The following ATP8B3 variants were observed in gnomAD, a reference collection of about 807,000 sequenced individuals.
ATP8B3 encodes the protein phospholipid-transporting ATPase IK.
In ATP8B3, 141 loss-of-function variants were observed where a neutral mutation model predicts 140.9. That is an observed-to-expected ratio of 1.00 (90% CI 0.87 to 1.15). ATP8B3 has a LOEUF of 1.15. Among genes scored for constraint, ATP8B3 ranks in the 50% most tolerant of loss-of-function variants. ATP8B3 has a pLI of 0.00. For missense variants in ATP8B3, 1,874 were observed against 1,740.6 expected, an observed-to-expected ratio of 1.08 and a Z score of -1.36; for synonymous variants, 765 against 714.6, an observed-to-expected ratio of 1.07 and a Z score of -1.13.
At chr19:1,802,086 T>G in intron 11 of ATP8B3, 42 bp from the exon 12 acceptor site, 2 of 865,670 alleles carry the variant, frequency 2.3e-6, no homozygotes, top group Non-Finnish European at 2.8e-6. Flanking sequence ...CACCCACCCA[T>G]CCACCCCTCA....
Position 1,782,138 on chromosome 19 carries a change from T to C in ATP8B3, c.*890A>G. On this transcript the variant is annotated 3_prime_UTR_variant, in exon 29 of 29. Transcript: ENST00000310127. ...AAGAAAAGCATGTGGAGTCCTTGTC[T>C]TTAGAGGAAGGCCCCCTGCATGCTG... is the stretch of plus-strand genomic sequence containing the variant. 1 of 198,854 alleles carries C rather than the reference T, an allele frequency of 5.0e-6. No homozygotes were observed. Among genetic ancestry groups the C allele is most frequent in the Non-Finnish European group, 1.0e-5 (1 of 97,970 alleles). The allele number at this position is 198,854 out of a possible 1,614,324, so 12.3% of individuals were successfully genotyped here.
chr19:1,789,636 C>G lies in ATP8B3; in HGVS notation c.2570G>C (p.Arg857Thr), dbSNP rs2068426586. 6.3e-7 allele frequency: 1 copy of G among 1,596,246 alleles called. No homozygotes were observed. Among genetic ancestry groups the G allele is most frequent in the East Asian group, 2.3e-5 (1 of 44,280 alleles). The change falls in exon 23 of 29, where the codon AGG becomes ACG. Residue 857 changes from arginine (R) to threonine (T), a missense_variant. By Grantham distance (71) the Arg-to-Thr change is moderately conservative. Coordinates refer to ENST00000310127, the MANE Select transcript of ATP8B3 (RefSeq NM_138813.4). ...DEAWQELGQS[R>T]RDFLYARRLS... ...GCGCCTGGCGTAGAGGAAATCCCTCCTGGACTGGCCGAGCTCCTGCCACGC... is the reference window on the plus strand; with the variant it reads ...GCGCCTGGCGTAGAGGAAATCCCTCGTGGACTGGCCGAGCTCCTGCCACGC...
At chr19:1,812,007 T>C (rs928470846) in intron 1 of ATP8B3, 123 bp from the exon 2 acceptor site, 1 of 481,364 alleles carries the variant, frequency 2.1e-6, no homozygotes, top group Non-Finnish European at 3.7e-6. Flanking sequence ...AGGACCGCCC[T>C]GGACAGGGCT....
Position 1,796,846 on chromosome 19 carries a change from C to G in ATP8B3, c.1618G>C (p.Gly540Arg). Residue 540 changes from glycine to arginine, a missense_variant, in exon 16 of 29, where the codon GGG becomes CGG. Gly to Arg is a moderately radical substitution (Grantham distance 125). Coordinates refer to ENST00000310127, the MANE Select transcript of ATP8B3 (RefSeq NM_138813.4). ...GCCGCATTGTGGAAGAGCAGCTTCC[C>G]GTCGGCGAACTTGTTCCAGAGGTAG... Reference protein sequence around the residue: ...NPYLWNKFADGKLLFHNAALL... With the variant: ...NPYLWNKFADRKLLFHNAALL... 1 of 1,612,310 alleles carries G rather than the reference C, an allele frequency of 6.2e-7. No individual in the cohort carries two copies. The highest frequency in any genetic ancestry group is 1.1e-5 in the South Asian group (1 of 91,056).
chr19:1,793,452 C>A (rs2068576728), intron 18 of ATP8B3, among the ~76,000 whole-genome samples: 1 of 152,194 alleles, frequency 6.6e-6, no homozygotes. Flanking sequence ...GTCCACCCAC[C>A]CGGTGCCTTC....
Position 1,806,829 on chromosome 19 carries a change from T to C in ATP8B3, c.616-140A>G. Reference sequence around the variant, plus strand: ...TGGCCCCACGCCACGTTGCGTCTGCTCAGGGATCCCGGACGTGGGGGCCAC... The same window carrying C: ...TGGCCCCACGCCACGTTGCGTCTGCCCAGGGATCCCGGACGTGGGGGCCAC... On this transcript the variant is annotated intron_variant, in intron 6 of 28. Coordinates refer to ENST00000310127, the MANE Select transcript of ATP8B3 (RefSeq NM_138813.4). The surrounding 1 kb of genome is among the most constrained non-coding windows in gnomAD (Gnocchi z 5.6). 1 of 991,064 alleles carries C rather than the reference T, an allele frequency of 1.0e-6. No individual in the cohort carries two copies. The highest frequency in any genetic ancestry group is 1.5e-5 in the South Asian group (1 of 66,398). The allele number at this position is 991,064 out of a possible 1,614,324, so 61.4% of individuals were successfully genotyped here. A position where few individuals can be genotyped will look rare whatever the true frequency, so the allele number is the denominator to read the frequency against.
intron 18 of ATP8B3, 24 bp from the exon 19 acceptor site, chr19:1,792,159 T>C (rs774898137): frequency 6.4e-7 from 1 of 1,552,418 alleles, no homozygotes; most frequent in South Asian, 1.2e-5. Flanking sequence ...AGGTGGAAGC[T>C]GTCACCATGC....
In ATP8B3 at chr19:1,795,784, T is replaced by TACAC. The variant is rs10526864; in HGVS notation, c.2055+87_2055+90dup. 5,330 of 893,500 alleles carry TACAC rather than the reference T, an allele frequency of 6.0e-3. 53 individuals carry two copies. Among genetic ancestry groups the TACAC allele is most frequent in the South Asian group, 0.011 (671 of 63,188 alleles). 55.3% of individuals were successfully genotyped at this position (893,500 alleles called of 1,614,324 possible). ...CCCTGCCTCCTCCTCCTCCTGTCCC[T>TACAC]ACACACACACACACACACACACACA... On this transcript the variant is annotated intron_variant, in intron 18 of 28. Transcript: ENST00000310127.
Position 1,794,858 on chromosome 19 carries a change from G to T in ATP8B3, c.2055+1017C>A, listed in dbSNP as rs1356046602. Among the ~76,000 whole-genome samples the T allele has an allele frequency of 6.6e-6, 1 of 152,212 alleles. No individual in the cohort carries two copies. The highest frequency in any genetic ancestry group is 1.5e-5 in the Non-Finnish European group (1 of 68,046). Reference sequence around the variant, plus strand: ...AAAGCCTCAAATCCTGGGCCGAGGAGTTCGGGCTTCCCCCACAGAGTGGGA... The same window carrying T: ...AAAGCCTCAAATCCTGGGCCGAGGATTTCGGGCTTCCCCCACAGAGTGGGA... On this transcript the variant is annotated intron_variant, in intron 18 of 28. Coordinates refer to ENST00000310127, the MANE Select transcript of ATP8B3 (RefSeq NM_138813.4). This position sits in a 1 kb window ranked among gnomAD's most constrained non-coding sequence, Gnocchi z 4.8.
At chr19:1,796,609 C>T (rs1317898213) in intron 16 of ATP8B3, 102 bp downstream of exon 16, 7 of 1,440,482 alleles carry the variant, frequency 4.9e-6, no homozygotes, top group Non-Finnish European at 5.5e-6. Flanking sequence ...CCCAAGCCAG[C>T]TGAAAGCCCT....
rs2069076184 is a variant in ATP8B3, at chr19:1,807,918, T to TA, written c.516+303_516+304insT. Among the ~76,000 whole-genome samples, 16 of 152,242 alleles carry TA rather than the reference T, an allele frequency of 1.1e-4. No individual in the cohort carries two copies. Among genetic ancestry groups the TA allele is most frequent in the African/African-American group, 3.9e-4 (16 of 41,472 alleles). On this transcript the variant is annotated intron_variant, in intron 5 of 28. Transcript: ENST00000310127. This position sits in a 1 kb window ranked among gnomAD's most constrained non-coding sequence, Gnocchi z 5.9. ...GAGGGCGGGGGCCAGGGGAGCTGCGTGGCCGAGGCCGTTTAGGCTGGGGAA... is the reference window on the plus strand; with the variant it reads ...GAGGGCGGGGGCCAGGGGAGCTGCGTAGGCCGAGGCCGTTTAGGCTGGGGAA...
rs1375279107 is a variant in ATP8B3, at chr19:1,799,997, G to T, written c.1502C>A (p.Thr501Lys). Reference protein sequence around the residue: ...YIFSDKTGTLTQNILTFNKCC... With the variant: ...YIFSDKTGTLKQNILTFNKCC... The stretch of plus-strand genomic sequence containing the variant: ...CTTGTTGAAGGTCAAGATGTTCTGC[G>T]TGAGCGTGCCCGTCTTGTCCGAGAA... Residue 501 changes from threonine to lysine, a missense_variant, in exon 14 of 29, where the codon ACG (threonine) becomes AAG (lysine). Transcript: ENST00000310127. The T allele has an allele frequency of 6.2e-7, 1 of 1,606,650 alleles. No individual in the cohort carries two copies. The highest frequency in any genetic ancestry group is 8.5e-7 in the Non-Finnish European group (1 of 1,176,848).
At chr19:1,795,584 G>A (rs1192081806) in intron 18 of ATP8B3, among the ~76,000 whole-genome samples, 3 of 152,014 alleles carry the variant, frequency 2.0e-5, no homozygotes, top group Non-Finnish European at 4.4e-5. Flanking sequence ...ACAAGAAAAA[G>A]AAAAAGACGC....
chr19:1,783,418 G>A, intron 28 of ATP8B3, 148 bp from the exon 29 acceptor site: 10 of 1,053,484 alleles, frequency 9.5e-6, no homozygotes, highest in Non-Finnish European at 1.3e-5. Flanking sequence ...GCCAATTAGA[G>A]TCCTCGACTC....
intron 24 of ATP8B3, 87 bp downstream of exon 24, chr19:1,788,810 G>T: frequency 7.8e-7 from 1 of 1,278,052 alleles, no homozygotes; most frequent in Non-Finnish European, 1.1e-6. Flanking sequence ...GGTTCTCAGT[G>T]CGTCCAGGGC....
At chr19:1,790,018 G>T in intron 21 of ATP8B3, 29 bp from the exon 22 acceptor site, 3 of 1,545,816 alleles carry the variant, frequency 1.9e-6, no homozygotes, top group South Asian at 2.2e-5. Context: ...AGCGGGGCAG[G>T]GGAGGGGGCG....
Position 1,806,458 on chromosome 19 carries a change from G to A in ATP8B3, c.677+170C>T. On this transcript the variant is annotated intron_variant, in intron 7 of 28. Transcript: ENST00000310127. This position sits in a 1 kb window ranked among gnomAD's most constrained non-coding sequence, Gnocchi z 5.6. ...GTTCGCCATCAGGGCCTCGGCCTCT[G>A]TCCTCGTCCCGGCCAAACGCCTAAT... 4.8e-6 allele frequency: 7 copies of A among 1,462,198 alleles called. No homozygotes were observed. The highest frequency in any genetic ancestry group is 6.3e-6 in the Non-Finnish European group (7 of 1,112,046). 90.6% of individuals were successfully genotyped at this position (1,462,198 alleles called of 1,614,324 possible).
chr19:1,786,939 A>G (rs2145171849), intron 25 of ATP8B3, among the ~76,000 whole-genome samples, 164 bp downstream of exon 25: 1 of 152,226 alleles, frequency 6.6e-6, no homozygotes, highest in Admixed American at 6.5e-5. Context: ...CGGTGGGAGA[A>G]GGTCAATGGC....
chr19:1,786,694 A>C lies in ATP8B3; in HGVS notation c.3153+409T>G, dbSNP rs377651894. Among the ~76,000 whole-genome samples the C allele has an allele frequency of 1.8e-3, 279 of 152,270 alleles. 5 individuals carry two copies. The highest frequency in any genetic ancestry group is 8.7e-3 in the South Asian group (42 of 4,834). On this transcript the variant is annotated intron_variant, in intron 25 of 28. Coordinates refer to ENST00000310127, the MANE Select transcript of ATP8B3 (RefSeq NM_138813.4). ...GCTGCTGGCTTCTGTGTTGGATTGC[A>C]TAGCTGTGGGACACTTCCATCATCT...
Sources: gnomAD v4.1 joint callset for allele counts (sites outside exome capture counted in the v4.1 genomes callset) on GRCh38, gnomAD v4.1.1 for gene constraint, Gnocchi (gnomAD v3.1) non-coding constraint, MANE v1.5 for transcripts, NCBI Gene and HGNC (gene_info 2026-07-23, HGNC 2026-07-21) for gene names.